Variants in CNST observed in about 807,000 individuals in gnomAD.
CNST encodes the protein consortin, connexin sorting protein, also known as consortin.
Under a neutral mutation model 72.4 loss-of-function variants are expected in CNST, and 39 were observed. The ratio of observed to expected loss-of-function variants is 0.54; its 90% CI spans 0.42 to 0.70. The LOEUF (loss-of-function observed/expected upper bound fraction) is 0.70. Ranked by LOEUF, CNST falls within the 30% of genes least tolerant of loss-of-function variation. The probability of loss-of-function intolerance (pLI) is 0.00; values close to 1 mark genes in which losing one functional copy is unlikely to be tolerated. For missense variants in CNST, 871 were observed against 868.5 expected (o/e 1.00, Z -0.04); for synonymous variants, 332 against 320.1 (o/e 1.04, Z -0.40).
rs373170249 is a variant in CNST, at chr1:246,648,001, T to C, written c.1800T>C (p.Ser600=). The C allele has an allele frequency of 6.2e-7, 1 of 1,612,832 alleles. No individual in the cohort carries two copies. Among genetic ancestry groups the C allele is most frequent in the Non-Finnish European group, 8.5e-7 (1 of 1,179,742 alleles). Residue 600 remains serine (S), a synonymous_variant, in exon 9 of 11, where the codon TCT becomes TCC. Coordinates refer to ENST00000366513, the MANE Select transcript of CNST (RefSeq NM_152609.3). ...TGCCTTCTGATGAGAGCTGTCTTTCTCTTGATGATCTTGCCAAAAGGATAG... is the reference window on the plus strand; with the variant it reads ...TGCCTTCTGATGAGAGCTGTCTTTCCCTTGATGATCTTGCCAAAAGGATAG... ...ENLPSDESCL[S]LDDLAKRIEI...
At chr1:246,583,295 A>C (rs1189759979) in intron 1 of CNST, among the ~76,000 whole-genome samples, 1 of 152,100 alleles carries the variant, frequency 6.6e-6, no homozygotes, top group Admixed American at 6.6e-5. Flanking sequence ...GATTTTCTGT[A>C]ATGGAATTGG....
chr1:246,634,451 C>T (rs1665006592), intron 5 of CNST, 22 bp from the exon 6 acceptor site: 1 of 1,438,792 alleles, frequency 7.0e-7, no homozygotes, highest in Non-Finnish European at 9.5e-7. Flanking sequence ...GAGCCAGTGA[C>T]TAACAAATAC....
intron 1 of CNST, among the ~76,000 whole-genome samples, chr1:246,589,669 A>G (rs1279129929): frequency 1.3e-5 from 2 of 152,218 alleles, no homozygotes; most frequent in African/African-American, 2.4e-5. Context: ...TTCTAGTTCT[A>G]GATCCCTGAG....
chr1:246,585,519 T>C (rs1411924334), intron 1 of CNST, among the ~76,000 whole-genome samples: 5 of 151,316 alleles, frequency 3.3e-5, no homozygotes, highest in East Asian at 3.9e-4. Flanking sequence ...TAGTGGTGCA[T>C]GCCTGTAATC....
At chr1:246,601,515 C>T (rs2103039275) in intron 2 of CNST, among the ~76,000 whole-genome samples, 1 of 152,176 alleles carries the variant, frequency 6.6e-6, no homozygotes, top group South Asian at 2.1e-4. Flanking sequence ...AAATTAATGG[C>T]CTGGCACGGT....
chr1:246,582,985 C>G (rs925592279), intron 1 of CNST, among the ~76,000 whole-genome samples: 3 of 152,206 alleles, frequency 2.0e-5, no homozygotes, highest in Non-Finnish European at 4.4e-5. Flanking sequence ...CCTCCCTGAC[C>G]CTGTTGTCCG....
chr1:246,659,361 A>G (rs145367108), intron 9 of CNST, among the ~76,000 whole-genome samples: 6,301 of 152,222 alleles, frequency 0.041, 427 homozygotes, highest in African/African-American at 0.14. Flanking sequence ...TTGGGAGGCC[A>G]AGGCGGGCAG....
At chr1:246,571,280 C>T (rs934657669) in intron 1 of CNST, among the ~76,000 whole-genome samples, 7 of 152,296 alleles carry the variant, frequency 4.6e-5, no homozygotes, top group African/African-American at 1.7e-4. Flanking sequence ...TCCCAAGTAG[C>T]TGAGATTACA....
intron 9 of CNST, among the ~76,000 whole-genome samples, chr1:246,649,777 T>G (rs1666348893): frequency 6.6e-6 from 1 of 151,284 alleles, no homozygotes; most frequent in Admixed American, 6.6e-5. Context: ...ACTTTTGGAA[T>G]TTCAATTTTT....
chr1:246,655,203 G>T (rs1666709085), intron 9 of CNST, among the ~76,000 whole-genome samples: 1 of 152,076 alleles, frequency 6.6e-6, no homozygotes, highest in African/African-American at 2.4e-5. Context: ...TAGACACATT[G>T]TAAAACTCCT....
In CNST at chr1:246,591,519, A is replaced by G. The variant is rs541359727; in HGVS notation, c.-44A>G. On this transcript the variant is annotated 5_prime_UTR_variant, in exon 2 of 11. Transcript: ENST00000366513. ...TTCTTTTTGTCATTGTAGACATGGA[A>G]GGTCTTTAATGTAACTTTAAATGGT... 2.4e-4 allele frequency: 393 copies of G among 1,604,992 alleles called. 8 individuals carry two copies. In the South Asian group the frequency reaches 4.1e-3, roughly 17 times the overall value.
intron 2 of CNST, among the ~76,000 whole-genome samples, chr1:246,598,495 T>C (rs1376155963): frequency 6.6e-6 from 1 of 152,182 alleles, no homozygotes; most frequent in Non-Finnish European, 1.5e-5. Context: ...AGTTCCATAC[T>C]AGTTTAATGT....
At chr1:246,616,242 T>C (rs1663681723) in intron 2 of CNST, among the ~76,000 whole-genome samples, 1 of 152,104 alleles carries the variant, frequency 6.6e-6, no homozygotes, top group Non-Finnish European at 1.5e-5. Context: ...TCTTGAAAAC[T>C]TTTTGTGTAT....
At chr1:246,659,964 G>A (rs913482412) in intron 9 of CNST, among the ~76,000 whole-genome samples, 3 of 152,134 alleles carry the variant, frequency 2.0e-5, no homozygotes, top group African/African-American at 4.8e-5. Context: ...GCCTGTCCCC[G>A]GAGTGAGTTC....
intron 9 of CNST, among the ~76,000 whole-genome samples, chr1:246,650,735 C>T (rs111629356): frequency 0.039 from 5,549 of 141,730 alleles, 317 homozygotes; most frequent in African/African-American, 0.13. Context: ...TGGAGTGCAG[C>T]GGCACGATCT....
At chr1:246,622,878 C>A (rs570544754) in intron 3 of CNST, among the ~76,000 whole-genome samples, 2 of 152,202 alleles carry the variant, frequency 1.3e-5, no homozygotes, top group South Asian at 4.1e-4. Flanking sequence ...GGCTGGAGTG[C>A]AGCGGCATGA....
chr1:246,578,791 T>A (rs1368036399), intron 1 of CNST, among the ~76,000 whole-genome samples: 1 of 152,192 alleles, frequency 6.6e-6, no homozygotes, highest in African/African-American at 2.4e-5. Flanking sequence ...CAGCTCAAAT[T>A]CCATCTTGCT....
chr1:246,570,694 TG>T (rs1013452868), intron 1 of CNST, among the ~76,000 whole-genome samples: 3 of 152,088 alleles, frequency 2.0e-5, no homozygotes, highest in African/African-American at 7.2e-5. Context: ...AAAATAATAA[TG>T]TTTTTTGTTT....
chr1:246,638,721 A>G (rs1016683434), intron 6 of CNST, among the ~76,000 whole-genome samples: 2 of 152,178 alleles, frequency 1.3e-5, no homozygotes, highest in East Asian at 1.9e-4. Flanking sequence ...AGGAACTGCC[A>G]TCTACAAACC....
Sources: allele counts gnomAD v4.1 joint callset (sites outside exome capture counted in the v4.1 genomes callset), GRCh38; gene constraint gnomAD v4.1.1; transcripts MANE v1.5; gene names NCBI Gene and HGNC (gene_info 2026-07-23, HGNC 2026-07-21).